The following STRA8 variants were observed in gnomAD, a reference collection of about 807,000 sequenced individuals.
The protein encoded by STRA8 is stimulated by retinoic acid 8, also known as stimulated by retinoic acid gene 8 protein homolog.
STRA8 carries 18 observed loss-of-function variants against 37.1 expected under a neutral mutation model. That is an observed-to-expected ratio of 0.48 (90% CI 0.34 to 0.72). STRA8 has a LOEUF of 0.72. Among genes scored for constraint, STRA8 ranks in the 30% least tolerant of loss-of-function variants. The pLI is 0.01. For synonymous variants in STRA8, 168 were observed against 162.9 expected (o/e 1.03, Z -0.24); for missense variants, 357 against 410.4 (o/e 0.87, Z 1.13).
At chr7:135,250,124 C>A (rs1832616913) in intron 6 of STRA8, among the ~76,000 whole-genome samples, 1 of 152,220 alleles carries the variant, frequency 6.6e-6, no homozygotes, top group Non-Finnish European at 1.5e-5. Flanking sequence ...TAGAGGCCAG[C>A]AGCACGGTCA....
chr7:135,232,995 C>T (rs1832315944), upstream of STRA8, among the ~76,000 whole-genome samples: 1 of 152,214 alleles, frequency 6.6e-6, no homozygotes, highest in South Asian at 2.1e-4. Context: ...GGGGCTTTGT[C>T]CTGCATCTGC....
chr7:135,246,385 A>G lies in STRA8; in HGVS notation c.594-32A>G. ...CCGAATCGCTTCGAGAGGGAGCTTT[A>G]GGGGTGCGAGACGGCGCCGCTTCTG... On this transcript the variant is annotated intron_variant, in intron 5 of 8. Transcript: ENST00000662584. This position sits in a 1 kb window ranked among gnomAD's most constrained non-coding sequence, Gnocchi z 5.4. 1 of 1,580,732 alleles carries G rather than the reference A, an allele frequency of 6.3e-7. No individual in the cohort carries two copies. Among genetic ancestry groups the G allele is most frequent in the Middle Eastern group, 1.7e-4 (1 of 6,028 alleles).
chr7:135,238,425 A>C (rs980156888), intron 1 of STRA8, among the ~76,000 whole-genome samples: 1 of 152,200 alleles, frequency 6.6e-6, no homozygotes, highest in Non-Finnish European at 1.5e-5. Flanking sequence ...CTGTCCACAC[A>C]GCCATCCAGG....
chr7:135,232,955 C>T (rs1585462564), upstream of STRA8, among the ~76,000 whole-genome samples: 1 of 152,216 alleles, frequency 6.6e-6, no homozygotes, highest in African/African-American at 2.4e-5. Context: ...CTTCTTGCAC[C>T]GTGCACTGGC....
intron 3 of STRA8, 88 bp from the exon 4 acceptor site, chr7:135,243,238 C>T (rs1832493954): frequency 7.0e-7 from 1 of 1,428,970 alleles, no homozygotes; most frequent in Non-Finnish European, 9.8e-7. Flanking sequence ...GGGTCCCACC[C>T]ACAGCCCACC....
At position 135,239,711 on chromosome 7, in the gene STRA8, A is replaced by G. The variant is rs1481531095; in HGVS notation, c.-6-808A>G. Among the ~76,000 whole-genome samples, 4 of 152,146 alleles carry G rather than the reference A, an allele frequency of 2.6e-5. No individual in the cohort carries two copies. In the East Asian group the frequency reaches 7.7e-4, roughly 29 times the overall value. ...AAAACAATTACATGTCAGTCCCAGA[A>G]TCGCCTCTCCTAGGGAAGGGCTTCT... On this transcript the variant is annotated intron_variant, in intron 1 of 8. Coordinates refer to ENST00000662584, the MANE Select transcript of STRA8 (RefSeq NM_001394401.1).
At chr7:135,241,896 G>T (rs184067857) in intron 2 of STRA8, among the ~76,000 whole-genome samples, 13 of 152,170 alleles carry the variant, frequency 8.5e-5, no homozygotes, top group Admixed American at 8.5e-4. Context: ...GACAGATATA[G>T]GTGGTCAGCC....
chr7:135,249,881 G>T (rs1832614139), intron 6 of STRA8, among the ~76,000 whole-genome samples: 1 of 152,258 alleles, frequency 6.6e-6, no homozygotes, highest in African/African-American at 2.4e-5. Flanking sequence ...GCTGATGTTT[G>T]TTGGGTATTA....
rs1832453139 is a variant in STRA8 at position 135,240,788 on chromosome 7, T to C, written c.192+72T>C. 3.9e-6 allele frequency: 6 copies of C among 1,557,670 alleles called. No homozygotes were observed. The South Asian group carries it at 7.0e-5, about 18-fold the overall frequency. On this transcript the variant is annotated intron_variant, in intron 2 of 8. Transcript: ENST00000662584. ...GACGTTTTCACAGGTGGAGGGACTG[T>C]GTTGCAAGGCAGGGACTGGCCTGGA...
intron 1 of STRA8, among the ~76,000 whole-genome samples, chr7:135,237,743 T>C (rs887765340): frequency 1.6e-4 from 24 of 151,900 alleles, no homozygotes; most frequent in African/African-American, 5.3e-4. Context: ...AATACAAAAA[T>C]TAGCCAGTCG....
chr7:135,248,207 T>C (rs974364956), intron 6 of STRA8, among the ~76,000 whole-genome samples: 10 of 152,252 alleles, frequency 6.6e-5, no homozygotes, highest in African/African-American at 2.4e-4. Context: ...GACAGAGATG[T>C]CACCCATTCC....
intron 6 of STRA8, among the ~76,000 whole-genome samples, chr7:135,249,363 C>T (rs1453153328): frequency 6.6e-6 from 1 of 152,104 alleles, no homozygotes; most frequent in Non-Finnish European, 1.5e-5. Context: ...GTGGGTGGAT[C>T]ATCTGAGGTC....
At chr7:135,245,679 A>G (rs1403678912) in intron 5 of STRA8, among the ~76,000 whole-genome samples, 152 bp downstream of exon 5, 3 of 152,110 alleles carry the variant, frequency 2.0e-5, no homozygotes, top group African/African-American at 7.2e-5. Flanking sequence ...AATCTCCAGG[A>G]TTTTCATATG....
upstream of STRA8, chr7:135,232,021 G>T: frequency 6.2e-7 from 1 of 1,610,996 alleles, no homozygotes; most frequent in Non-Finnish European, 8.5e-7. Flanking sequence ...TTTCAATCAA[G>T]AAATCAGGCT....
At chr7:135,233,544 C>T (rs1321710772), upstream of STRA8, among the ~76,000 whole-genome samples, 1 of 152,138 alleles carries the variant, frequency 6.6e-6, no homozygotes, top group African/African-American at 2.4e-5. Flanking sequence ...CCTCTGAGGA[C>T]ACATGAAGGC....
chr7:135,246,367 G>A lies in STRA8; in HGVS notation c.594-50G>A, dbSNP rs1485690837. ...CACACCATGAACCGAATCCCGAATC[G>A]CTTCGAGAGGGAGCTTTAGGGGTGC... On this transcript the variant is annotated intron_variant, in intron 5 of 8. Coordinates refer to ENST00000662584, the MANE Select transcript of STRA8 (RefSeq NM_001394401.1). The surrounding 1 kb of genome is among the most constrained non-coding windows in gnomAD (Gnocchi z 5.4). 1.3e-6 allele frequency: 2 copies of A among 1,565,278 alleles called. No homozygotes were observed. Among genetic ancestry groups the A allele is most frequent in the Non-Finnish European group, 1.7e-6 (2 of 1,153,798 alleles).
chr7:135,242,947 A>T lies in STRA8; in HGVS notation c.268+91A>T, dbSNP rs187431823. On this transcript the variant is annotated intron_variant, in intron 3 of 8. Transcript: ENST00000662584. ...GAAAACAGAAGTTGGGTTACAATGA[A>T]TCAACAAATATTTATTGAGGGCCTA... The T allele has an allele frequency of 4.4e-6, 6 of 1,364,032 alleles. No homozygotes were observed. In the East Asian group the frequency reaches 1.1e-4, roughly 26 times the overall value. The allele number at this position is 1,364,032 out of a possible 1,614,324, so 84.5% of individuals were successfully genotyped here. A position where few individuals can be genotyped will look rare whatever the true frequency, so the allele number is the denominator to read the frequency against.
chr7:135,243,718 C>T (rs776876532), intron 4 of STRA8, among the ~76,000 whole-genome samples: 9 of 152,182 alleles, frequency 5.9e-5, no homozygotes, highest in Non-Finnish European at 1.0e-4. Flanking sequence ...GAAAATCCAT[C>T]AAGTTTTTAA....
Position 135,245,505 on chromosome 7 carries a change from C to T in STRA8, c.571C>T (p.Pro191Ser), listed in dbSNP as rs1832537856. Among the ~76,000 whole-genome samples, 1 of 152,086 alleles carries T rather than the reference C, an allele frequency of 6.6e-6. No individual in the cohort carries two copies. Among genetic ancestry groups the T allele is most frequent in the Non-Finnish European group, 1.5e-5 (1 of 68,014 alleles). ...CTTATACTCCCCAGGAACTTTGTCG[C>T]CTGACCTCATGGAATTTGAACGGTG... is the stretch of plus-strand genomic sequence containing the variant. ...VILYSPGTLS[P>S]DLMEFERYLN... Residue 191 changes from proline to serine, a missense_variant, in exon 5 of 9, where the codon CCT becomes TCT. Transcript: ENST00000662584.
Sources: allele counts gnomAD v4.1 joint callset (sites outside exome capture counted in the v4.1 genomes callset), GRCh38; gene constraint gnomAD v4.1.1; non-coding constraint Gnocchi (gnomAD v3.1); transcripts MANE v1.5; gene names NCBI Gene and HGNC (gene_info 2026-07-23, HGNC 2026-07-21).